Variants in MAP4K3 observed in about 807,000 individuals in gnomAD.
MAP4K3 encodes MAPK/ERK kinase kinase kinase 3.
A neutral mutation model predicts 143.5 loss-of-function variants in MAP4K3; 94 were observed. The observed-to-expected ratio is 0.65, with a 90% CI of 0.55 to 0.78. MAP4K3 has a LOEUF of 0.78. MAP4K3 is among the 30% of genes least tolerant of loss of function. The pLI, the probability that MAP4K3 is intolerant of heterozygous loss-of-function variation, is 0.00. For missense variants in MAP4K3, 1,077 were observed against 1,068.1 expected (o/e 1.01, Z -0.12); for synonymous variants, 416 against 347.2 (o/e 1.20, Z -2.20).
At chr2:39,290,239 A>T (rs1294450337) in intron 19 of MAP4K3, 53 bp downstream of exon 19, 3 of 1,345,220 alleles carry the variant, frequency 2.2e-6, no homozygotes, top group Non-Finnish European at 3.1e-6. Context: ...CAAAGTATTA[A>T]ATTGGCAGAA....
At chr2:39,267,679 CA>C (rs57082856) in intron 26 of MAP4K3, among the ~76,000 whole-genome samples, 3,912 of 130,388 alleles carry the variant, frequency 0.03, 101 homozygotes, top group African/African-American at 0.082. Context: ...ACTCGGTCTC[CA>C]AAAAAAAAAA....
intron 3 of MAP4K3, among the ~76,000 whole-genome samples, chr2:39,355,107 G>A (rs1665571874): frequency 6.6e-6 from 1 of 152,178 alleles, no homozygotes; most frequent in Non-Finnish European, 1.5e-5. Flanking sequence ...GCTCACGCCT[G>A]TAATCCCGGC....
chr2:39,364,400 G>A (rs754472472), intron 2 of MAP4K3, among the ~76,000 whole-genome samples: 12 of 152,168 alleles, frequency 7.9e-5, no homozygotes, highest in South Asian at 2.1e-4. Flanking sequence ...ATCATGTGAC[G>A]TGTTTTTACC....
rs557790177 is a variant in MAP4K3 at position 39,268,027 on chromosome 2, T to C, written c.1974-780A>G. On this transcript the variant is annotated intron_variant, in intron 26 of 33. Transcript: ENST00000263881. ...ACATGTAATACATTTACATGTACTG[T>C]AAAAAGCTGTCTTATTATAAAAATT... Among the ~76,000 whole-genome samples the C allele has an allele frequency of 3.3e-5, 5 of 152,294 alleles. No homozygotes were observed. The South Asian group carries it at 1.0e-3, about 32-fold the overall frequency.
intron 1 of MAP4K3, among the ~76,000 whole-genome samples, chr2:39,415,296 G>C (rs1558344199): frequency 6.6e-6 from 1 of 152,166 alleles, no homozygotes. Flanking sequence ...CTTTGTTTAA[G>C]CAACAAAGGA....
chr2:39,423,046 C>A (rs1336877900), intron 1 of MAP4K3, among the ~76,000 whole-genome samples: 2 of 151,864 alleles, frequency 1.3e-5, no homozygotes, highest in African/African-American at 4.8e-5. Flanking sequence ...GGACATGTAT[C>A]CAAAATATAC....
At chr2:39,340,017 G>A (rs1665094366) in intron 4 of MAP4K3, among the ~76,000 whole-genome samples, 1 of 149,330 alleles carries the variant, frequency 6.7e-6, no homozygotes, top group African/African-American at 2.6e-5. Context: ...AAAGCTCAAT[G>A]GAAAATAGAA....
intron 4 of MAP4K3, among the ~76,000 whole-genome samples, chr2:39,338,820 T>C (rs967812819): frequency 5.3e-5 from 8 of 152,202 alleles, no homozygotes; most frequent in African/African-American, 9.7e-5. Flanking sequence ...TCTTCTGCCA[T>C]GTGAGGACAC....
intron 1 of MAP4K3, among the ~76,000 whole-genome samples, chr2:39,428,222 T>C (rs944372509): frequency 6.6e-6 from 1 of 152,216 alleles, no homozygotes; most frequent in Admixed American, 6.5e-5. Flanking sequence ...TTCTTTAGGA[T>C]CTCCTAAACA....
chr2:39,324,181 G>T (rs1245007092), intron 12 of MAP4K3, among the ~76,000 whole-genome samples: 12 of 152,114 alleles, frequency 7.9e-5, no homozygotes, highest in Admixed American at 7.9e-4. Flanking sequence ...GGCCGAGGCA[G>T]GCAGATCACA....
At chr2:39,283,454 AT>A (rs1051395518) in intron 21 of MAP4K3, among the ~76,000 whole-genome samples, 2 of 151,468 alleles carry the variant, frequency 1.3e-5, no homozygotes, top group Admixed American at 6.6e-5. Flanking sequence ...TTCTTTTCCC[AT>A]TTTTTTTAAC....
intron 1 of MAP4K3, among the ~76,000 whole-genome samples, chr2:39,424,436 C>T (rs1038884390): frequency 6.6e-6 from 1 of 151,986 alleles, no homozygotes; most frequent in African/African-American, 2.4e-5. Context: ...GGTGAACAGT[C>T]GTGGGCCCAC....
At chr2:39,376,431 C>T (rs1189114631) in intron 2 of MAP4K3, among the ~76,000 whole-genome samples, 1 of 152,110 alleles carries the variant, frequency 6.6e-6, no homozygotes, top group African/African-American at 2.4e-5. Context: ...GATCAATATA[C>T]ACATGGCAGT....
chr2:39,435,556 G>A (rs1170571752), intron 1 of MAP4K3, among the ~76,000 whole-genome samples: 1 of 152,190 alleles, frequency 6.6e-6, no homozygotes, highest in East Asian at 1.9e-4. Flanking sequence ...AACAGGATCA[G>A]GTCCTCCTAT....
intron 12 of MAP4K3, chr2:39,323,192 T>A (rs1683373842): frequency 6.6e-6 from 1 of 152,208 alleles, no homozygotes. Context: ...AATAATTAAA[T>A]TCCTTTATTT....
intron 1 of MAP4K3, among the ~76,000 whole-genome samples, chr2:39,395,944 T>TA (rs1396118073): frequency 6.6e-6 from 1 of 152,230 alleles, no homozygotes; most frequent in South Asian, 2.1e-4. Flanking sequence ...GGATGATAGA[T>TA]ACAGTATTCA....
At chr2:39,258,849 T>C (rs1157905145) in intron 29 of MAP4K3, among the ~76,000 whole-genome samples, 1 of 152,222 alleles carries the variant, frequency 6.6e-6, no homozygotes, top group African/African-American at 2.4e-5. Flanking sequence ...CCGACTGCAC[T>C]AGAAAACAAA....
intron 26 of MAP4K3, among the ~76,000 whole-genome samples, chr2:39,267,883 T>C (rs1168491833): frequency 3.3e-5 from 5 of 152,094 alleles, no homozygotes; most frequent in African/African-American, 1.2e-4. Flanking sequence ...CCCCCACTGA[T>C]TCAACCTTAG....
At chr2:39,296,655 C>G (rs1682295087) in intron 16 of MAP4K3, among the ~76,000 whole-genome samples, 1 of 152,146 alleles carries the variant, frequency 6.6e-6, no homozygotes, top group Non-Finnish European at 1.5e-5. Context: ...CTAACTGCCC[C>G]CAATCTGTAA....
Sources: allele counts gnomAD v4.1 joint callset (sites outside exome capture counted in the v4.1 genomes callset), GRCh38; gene constraint gnomAD v4.1.1; transcripts MANE v1.5; gene names NCBI Gene and HGNC (gene_info 2026-07-23, HGNC 2026-07-21).